The following YTHDF2 variants were observed in gnomAD, a reference collection of about 807,000 sequenced individuals.
The protein encoded by YTHDF2 is YTH domain-containing family protein 2.
Under a neutral mutation model 50.4 loss-of-function variants are expected in YTHDF2, and 2 were observed. The observed-to-expected ratio is 0.04, with a 90% CI of 0.02 to 0.12. The LOEUF (loss-of-function observed/expected upper bound fraction) is 0.12, where lower values mean the gene tolerates loss of function less well. Among genes scored for constraint, YTHDF2 ranks in the 10% least tolerant of loss-of-function variants. The pLI, the probability that YTHDF2 is intolerant of heterozygous loss-of-function variation, is 1.00. For missense variants in YTHDF2, 483 were observed against 722.6 expected (o/e 0.67, Z 3.80); for synonymous variants, 217 against 255.6 (o/e 0.85, Z 1.44).
chr1:28,761,097 T>C (rs1430299991), intron 4 of YTHDF2, among the ~76,000 whole-genome samples: 1 of 150,724 alleles, frequency 6.6e-6, no homozygotes, highest in Non-Finnish European at 1.5e-5. Context: ...TGTCATTATA[T>C]CGTGCATGAG....
At chr1:28,738,070 C>G (rs774446060) in intron 2 of YTHDF2, among the ~76,000 whole-genome samples, 189 bp from the exon 3 acceptor site, 3 of 152,130 alleles carry the variant, frequency 2.0e-5, no homozygotes, top group Non-Finnish European at 4.4e-5. Flanking sequence ...TCAACTTGCT[C>G]TGGGTGGAGG....
intron 4 of YTHDF2, among the ~76,000 whole-genome samples, chr1:28,766,770 C>G (rs2088224692): frequency 6.6e-6 from 1 of 151,708 alleles, no homozygotes; most frequent in Admixed American, 6.6e-5. Flanking sequence ...AGTGGGAGGT[C>G]CTTCAAGAAG....
chr1:28,767,927 G>A (rs918149575), intron 4 of YTHDF2, among the ~76,000 whole-genome samples: 1 of 151,406 alleles, frequency 6.6e-6, no homozygotes, highest in African/African-American at 2.4e-5. Context: ...CTGAGGCCGG[G>A]CGCGGTGGCT....
intron 4 of YTHDF2, among the ~76,000 whole-genome samples, chr1:28,760,064 A>C (rs1460501251): frequency 1.3e-5 from 2 of 152,206 alleles, no homozygotes; most frequent in African/African-American, 2.4e-5. Context: ...TCAGTGTCTT[A>C]ACCACCACAT....
At position 28,736,950 on chromosome 1, in the gene YTHDF2, C is replaced by CGAGTCG. The variant is rs1283613146; in HGVS notation, c.-167_-162dup. Reference sequence around the variant, plus strand: ...TTGAGCTCTTGGGCTAGAGCGTCGCCGAGTCGGAGCCGGAGCCTGAGCCGC... The same window carrying CGAGTCG: ...TTGAGCTCTTGGGCTAGAGCGTCGCCGAGTCGGAGTCGGAGCCGGAGCCTGAGCCGC... On this transcript the variant is annotated 5_prime_UTR_variant, in exon 1 of 5. Coordinates refer to ENST00000373812, the MANE Select transcript of YTHDF2 (RefSeq NM_016258.3). 58 of 753,088 alleles carry CGAGTCG rather than the reference C, an allele frequency of 7.7e-5. No individual in the cohort carries two copies. The highest frequency in any genetic ancestry group is 3.7e-4 in the African/African-American group (20 of 54,486). The allele number at this position is 753,088 out of a possible 1,614,324, so 46.7% of individuals were successfully genotyped here. A position where few individuals can be genotyped will look rare whatever the true frequency, so the allele number is the denominator to read the frequency against.
chr1:28,739,789 A>T (rs1338168767), intron 3 of YTHDF2, among the ~76,000 whole-genome samples: 1 of 152,344 alleles, frequency 6.6e-6, no homozygotes, highest in East Asian at 1.9e-4. Flanking sequence ...TCAAATACTA[A>T]TATGACCTGT....
rs754765348 is a variant in YTHDF2, at chr1:28,743,388, A to G, written c.1118A>G (p.Gln373Arg). The G allele has an allele frequency of 6.2e-7, 1 of 1,614,186 alleles. No homozygotes were observed. Among genetic ancestry groups the G allele is most frequent in the Admixed American group, 1.7e-5 (1 of 60,018 alleles). Reference sequence around the variant, plus strand: ...GGGGTGGATGGTAATGGAGTAGGACAGTCTCAGGCTGGTTCTGGATCTACT... The same window carrying G: ...GGGGTGGATGGTAATGGAGTAGGACGGTCTCAGGCTGGTTCTGGATCTACT... ...HNGVDGNGVG[Q>R]SQAGSGSTPS... Residue 373 changes from glutamine (Q) to arginine (R), a missense_variant, in exon 4 of 5, where the codon CAG becomes CGG. By Grantham distance (43) the Gln-to-Arg change is conservative (BLOSUM62 1). This residue lies in a region of YTHDF2 where 385 missense variants were observed against 475.8 expected (regional missense o/e 0.81). Coordinates refer to ENST00000373812, the MANE Select transcript of YTHDF2 (RefSeq NM_016258.3). The surrounding 1 kb of genome is among the most constrained non-coding windows in gnomAD (Gnocchi z 6.9).
chr1:28,756,004 C>T (rs1425366681), intron 4 of YTHDF2, among the ~76,000 whole-genome samples: 1 of 152,122 alleles, frequency 6.6e-6, no homozygotes, highest in Non-Finnish European at 1.5e-5. Context: ...ACTGCAGATG[C>T]CAGTGATGTC....
rs1358728662 is a variant in YTHDF2, at chr1:28,738,301, A to G, written c.95A>G (p.Asp32Gly). The part of the protein sequence containing the change: ...SVHQKDGLND[D>G]DFEPYLSPQA... Reference sequence around the variant, plus strand: ...CATCAAAAGGATGGATTAAACGATGATGATTTTGAACCTTACTTGAGTCCA... The same window carrying G: ...CATCAAAAGGATGGATTAAACGATGGTGATTTTGAACCTTACTTGAGTCCA... The change falls in exon 3 of 5, where the codon GAT becomes GGT. Residue 32 changes from aspartate to glycine, a missense_variant. Physicochemically the swap from Asp to Gly is moderately conservative, Grantham distance 94. Transcript: ENST00000373812. 6.2e-7 allele frequency: 1 copy of G among 1,614,126 alleles called. No individual in the cohort carries two copies. The highest frequency in any genetic ancestry group is 1.7e-5 in the Admixed American group (1 of 60,026).
chr1:28,751,868 C>A lies in YTHDF2; in HGVS notation c.1716+7882C>A, dbSNP rs145808267. ...AATTACTTGGGGGAAATTAAGAATTCATGGAGGCAATAACATTGGAACCCT... is the reference window on the plus strand; with the variant it reads ...AATTACTTGGGGGAAATTAAGAATTAATGGAGGCAATAACATTGGAACCCT... On this transcript the variant is annotated intron_variant, in intron 4 of 4. Coordinates refer to ENST00000373812, the MANE Select transcript of YTHDF2 (RefSeq NM_016258.3). 4.2e-3 allele frequency among the ~76,000 whole-genome samples: 637 copies of A among 152,266 alleles called. 7 individuals carry two copies. Among genetic ancestry groups the A allele is most frequent in the African/African-American group, 0.015 (611 of 41,556 alleles).
At chr1:28,752,245 T>C (rs918873851) in intron 4 of YTHDF2, among the ~76,000 whole-genome samples, 3 of 152,228 alleles carry the variant, frequency 2.0e-5, no homozygotes, top group Non-Finnish European at 2.9e-5. Flanking sequence ...ATATATAATA[T>C]GCTGTTGCAC....
At chr1:28,744,096 C>T (rs1460555061) in intron 4 of YTHDF2, 110 bp downstream of exon 4, 8 of 1,114,992 alleles carry the variant, frequency 7.2e-6, no homozygotes, top group South Asian at 2.0e-5. Context: ...AATACAGTAT[C>T]ACCTAACAGT....
At chr1:28,755,161 T>C (rs373845704) in intron 4 of YTHDF2, among the ~76,000 whole-genome samples, 4 of 152,080 alleles carry the variant, frequency 2.6e-5, no homozygotes, top group African/African-American at 9.7e-5. Flanking sequence ...AGCAGCAGTT[T>C]AGGGTTAGGA....
intron 4 of YTHDF2, among the ~76,000 whole-genome samples, chr1:28,762,175 G>A (rs546733554): frequency 6.1e-4 from 93 of 152,112 alleles, no homozygotes; most frequent in Admixed American, 5.2e-3. Context: ...GGCGGATCAC[G>A]AGGTCAGGAG....
chr1:28,763,525 A>G (rs2124206831), intron 4 of YTHDF2, among the ~76,000 whole-genome samples: 1 of 151,768 alleles, frequency 6.6e-6, no homozygotes, highest in East Asian at 1.9e-4. Flanking sequence ...GTGCGATCTC[A>G]GCTCAGTGCA....
chr1:28,763,366 T>C (rs1417495506), intron 4 of YTHDF2, among the ~76,000 whole-genome samples: 2 of 152,094 alleles, frequency 1.3e-5, no homozygotes, highest in Non-Finnish European at 2.9e-5. Context: ...CTCTGCCCCC[T>C]GGGTTCAAAC....
At chr1:28,737,544 CT>C in intron 1 of YTHDF2, 113 bp from the exon 2 acceptor site, 2 of 1,420,222 alleles carry the variant, frequency 1.4e-6, no homozygotes, top group Non-Finnish European at 9.7e-7. Flanking sequence ...TTCCTGACGC[CT>C]CCCCTCGGGC....
intron 4 of YTHDF2, among the ~76,000 whole-genome samples, chr1:28,755,512 A>G (rs2088024173): frequency 6.6e-6 from 1 of 152,156 alleles, no homozygotes; most frequent in South Asian, 2.1e-4. Flanking sequence ...AGAGTAAATA[A>G]CTTTGCAAAG....
At chr1:28,750,762 T>C (rs1254064781) in intron 4 of YTHDF2, among the ~76,000 whole-genome samples, 3 of 152,056 alleles carry the variant, frequency 2.0e-5, no homozygotes, top group East Asian at 3.9e-4. Context: ...TATATATTAA[T>C]GAAAAATTGT....
Sources: allele counts gnomAD v4.1 joint callset (sites outside exome capture counted in the v4.1 genomes callset), GRCh38; gene constraint gnomAD v4.1.1; regional missense constraint gnomAD v4.1.1; non-coding constraint Gnocchi (gnomAD v3.1); transcripts MANE v1.5; gene names NCBI Gene and HGNC (gene_info 2026-07-23, HGNC 2026-07-21).